Variants in ATP13A4 observed in about 807,000 individuals in gnomAD.
ATP13A4 encodes the protein probable cation-transporting ATPase 13A4.
In ATP13A4, 114 loss-of-function variants were observed where a neutral mutation model predicts 142.5. That is an observed-to-expected ratio of 0.80 (90% CI 0.69 to 0.93). The LOEUF is 0.93. Among genes scored for constraint, ATP13A4 ranks in the 40% least tolerant of loss-of-function variants. The pLI, the probability that ATP13A4 is intolerant of heterozygous loss-of-function variation, is 0.00. For missense variants in ATP13A4, 1,392 were observed against 1,454.0 expected, an observed-to-expected ratio of 0.96 and a Z score of 0.69; for synonymous variants, 488 against 514.8, an observed-to-expected ratio of 0.95 and a Z score of 0.70.
intron 9 of ATP13A4, among the ~76,000 whole-genome samples, chr3:193,467,901 G>C (rs567969047): frequency 2.0e-5 from 3 of 152,132 alleles, no homozygotes; most frequent in Admixed American, 6.5e-5. Context: ...CTGGTGGGCT[G>C]GGCACAGTGG....
chr3:193,485,366 C>A (rs1279546362), intron 7 of ATP13A4, among the ~76,000 whole-genome samples: 1 of 152,060 alleles, frequency 6.6e-6, no homozygotes, highest in East Asian at 1.9e-4. Context: ...TAGAGAGTGG[C>A]CTGAGGATTC....
intron 1 of ATP13A4, among the ~76,000 whole-genome samples, chr3:193,540,978 G>T (rs540503198): frequency 6.6e-6 from 1 of 152,094 alleles, no homozygotes; most frequent in South Asian, 2.1e-4. Flanking sequence ...GGCCGGGCGC[G>T]GTGGCTCACG....
intron 5 of ATP13A4, among the ~76,000 whole-genome samples, chr3:193,492,646 G>A (rs573403285): frequency 7.9e-5 from 12 of 152,164 alleles, no homozygotes; most frequent in Middle Eastern, 6.8e-3. Flanking sequence ...TCCCATCTGT[G>A]TGACCTCGTT....
At chr3:193,555,589 T>A (rs1175823641), upstream of ATP13A4, among the ~76,000 whole-genome samples, 1 of 152,228 alleles carries the variant, frequency 6.6e-6, no homozygotes, top group East Asian at 1.9e-4. Context: ...AATGACTATA[T>A]GGCCAGACTC....
In ATP13A4 at chr3:193,525,234, C is replaced by G. The variant is rs554338543; in HGVS notation, c.61-10363G>C. Among the ~76,000 whole-genome samples the G allele has an allele frequency of 7.9e-4, 120 of 152,212 alleles. 2 individuals are homozygous for G. In the South Asian group the frequency reaches 0.024, roughly 30 times the overall value. On this transcript the variant is annotated intron_variant, in intron 1 of 29. Coordinates refer to ENST00000342695, the MANE Select transcript of ATP13A4 (RefSeq NM_032279.4). ...AATGACAATCATAGAGTGCTGGCAC[C>G]TGATAAATGTTTAGCAAACATCTAG...
chr3:193,581,381 G>A (rs56180353), intron 2 of ATP13A4, among the ~76,000 whole-genome samples: 28,082 of 152,066 alleles, frequency 0.18, 3,163 homozygotes, highest in Non-Finnish European at 0.25. Flanking sequence ...GATTTCTATG[G>A]TGGAAATACT....
At chr3:193,555,026 C>T (rs962966380), upstream of ATP13A4, 2 of 1,082,342 alleles carry the variant, frequency 1.8e-6, no homozygotes, top group African/African-American at 3.2e-5. Flanking sequence ...CTGGCTGCTC[C>T]CTGCTTATTG....
intron 8 of ATP13A4, among the ~76,000 whole-genome samples, chr3:193,472,692 G>A (rs1439335782): frequency 6.6e-6 from 1 of 152,150 alleles, no homozygotes; most frequent in Non-Finnish European, 1.5e-5. Flanking sequence ...AAATGTGTGG[G>A]TGGAAGACAG....
rs114230834 is a variant in ATP13A4 at position 193,459,445 on chromosome 3, G to C, written c.1524-214C>G. 7.2e-3 allele frequency among the ~76,000 whole-genome samples: 1,093 copies of C among 152,144 alleles called. 11 individuals are homozygous for C. The highest frequency in any genetic ancestry group is 0.025 in the African/African-American group (1,031 of 41,518). On this transcript the variant is annotated intron_variant, in intron 13 of 29. Transcript: ENST00000342695. ...CTCTGAGTTTTTTCTTTTTCTTTTG[G>C]ATACAGGGTCTCACTCTATCACTCT...
rs201933249 is a variant in ATP13A4 at position 193,496,755 on chromosome 3, C to T, written c.382-3595G>A. 6.6e-5 allele frequency among the ~76,000 whole-genome samples: 10 copies of T among 152,144 alleles called. No individual in the cohort carries two copies. The East Asian group carries it at 1.2e-3, about 18-fold the overall frequency. On this transcript the variant is annotated intron_variant, in intron 3 of 29. Coordinates refer to ENST00000342695, the MANE Select transcript of ATP13A4 (RefSeq NM_032279.4). ...GCAGTAAGCCGAGATCGTGCCACTG[C>T]ACCCCAGCCTGGGAGACAGGGCACG...
chr3:193,485,790 T>C (rs7633847), intron 7 of ATP13A4, among the ~76,000 whole-genome samples: 59,801 of 151,680 alleles, frequency 0.39, 11,859 homozygotes, highest in Admixed American at 0.47. Flanking sequence ...TCTTTCACCA[T>C]GTGAGGATGC....
intron 2 of ATP13A4, 29 bp downstream of exon 2, chr3:193,514,669 A>G: frequency 6.3e-7 from 1 of 1,594,108 alleles, no homozygotes. Flanking sequence ...AAAGGGGGGC[A>G]CCAGCGACAT....
At chr3:193,538,514 A>C (rs1722707111) in intron 1 of ATP13A4, among the ~76,000 whole-genome samples, 2 of 150,466 alleles carry the variant, frequency 1.3e-5, no homozygotes, top group Admixed American at 6.6e-5. Context: ...AAAAAAAAAA[A>C]CCCTAGGCTT....
intron 14 of ATP13A4, chr3:193,458,860 T>A: frequency 1.6e-6 from 1 of 638,210 alleles, no homozygotes; most frequent in South Asian, 1.9e-5. Context: ...ATTTTCTTAC[T>A]GCATCATCTC....
chr3:193,421,440 A>G (rs1212269623), intron 25 of ATP13A4, among the ~76,000 whole-genome samples: 1 of 149,748 alleles, frequency 6.7e-6, no homozygotes, highest in African/African-American at 2.5e-5. Flanking sequence ...AAATGGAAGG[A>G]CACTACAAAT....
At chr3:193,590,595 A>C (rs1369512157) in intron 1 of ATP13A4, among the ~76,000 whole-genome samples, 1 of 152,078 alleles carries the variant, frequency 6.6e-6, no homozygotes, top group Non-Finnish European at 1.5e-5. Flanking sequence ...GCAACGAGGG[A>C]GTTAGCTTTA....
intron 25 of ATP13A4, among the ~76,000 whole-genome samples, chr3:193,422,889 A>T (rs1715475738): frequency 6.7e-6 from 1 of 149,706 alleles, no homozygotes; most frequent in African/African-American, 2.5e-5. Flanking sequence ...AGCAGAAACA[A>T]ATGAAATTGA....
At chr3:193,416,716 T>C (rs1449368342) in intron 25 of ATP13A4, among the ~76,000 whole-genome samples, 4 of 151,802 alleles carry the variant, frequency 2.6e-5, no homozygotes, top group Admixed American at 1.3e-4. Context: ...GAACAGAGCC[T>C]AAAGGGCATG....
In ATP13A4 at chr3:193,512,729, C is replaced by T. The variant is rs534202558; in HGVS notation, c.234+1969G>A. Among the ~76,000 whole-genome samples, 6 of 152,290 alleles carry T rather than the reference C, an allele frequency of 3.9e-5. No individual in the cohort carries two copies. The East Asian group carries it at 1.2e-3, about 29-fold the overall frequency. On this transcript the variant is annotated intron_variant, in intron 2 of 29. Transcript: ENST00000342695. ...AAGTGTGTGAACCCTGGTCTAAGTACAGTGCAATGGAAAAGCCCTTGACTA... is the reference window on the plus strand; with the variant it reads ...AAGTGTGTGAACCCTGGTCTAAGTATAGTGCAATGGAAAAGCCCTTGACTA...
Sources: allele counts gnomAD v4.1 joint callset (sites outside exome capture counted in the v4.1 genomes callset), GRCh38; gene constraint gnomAD v4.1.1; transcripts MANE v1.5; gene names NCBI Gene and HGNC (gene_info 2026-07-23, HGNC 2026-07-21).